QRFPR: variants seen among roughly 807,000 people sequenced by gnomAD.
QRFPR encodes pyroglutamylated RF-amide peptide receptor.
QRFPR carries 37 observed loss-of-function variants against 31.3 expected under a neutral mutation model. That is an observed-to-expected ratio of 1.18 (90% CI 0.91 to 1.56). The LOEUF (loss-of-function observed/expected upper bound fraction) is 1.56, where lower values mean the gene tolerates loss of function less well. QRFPR is among the 40% of genes most tolerant of loss of function. The probability of loss-of-function intolerance (pLI) is 0.00; values close to 1 mark genes in which losing one functional copy is unlikely to be tolerated. For synonymous variants in QRFPR, 197 were observed against 192.0 expected, an observed-to-expected ratio of 1.03 and a Z score of -0.22; for missense variants, 542 against 532.5, an observed-to-expected ratio of 1.02 and a Z score of -0.18.
At chr4:121,366,293 C>T (rs1726133634) in intron 1 of QRFPR, among the ~76,000 whole-genome samples, 1 of 149,750 alleles carries the variant, frequency 6.7e-6, no homozygotes, top group African/African-American at 2.5e-5. Context: ...TTTTTAAAGG[C>T]TACAAATTCC....
chr4:121,360,065 G>T (rs540335331), intron 1 of QRFPR, among the ~76,000 whole-genome samples: 13 of 152,158 alleles, frequency 8.5e-5, no homozygotes, highest in African/African-American at 2.4e-4. Context: ...ACATAACACA[G>T]TCCAAAATTA....
At chr4:121,337,003 A>G (rs1285569246) in intron 2 of QRFPR, 135 bp from the exon 3 acceptor site, 7 of 767,094 alleles carry the variant, frequency 9.1e-6, no homozygotes, top group Admixed American at 2.0e-5. Context: ...GTCTCCCCCA[A>G]GTTTCATGCT....
intron 1 of QRFPR, among the ~76,000 whole-genome samples, chr4:121,371,794 AG>A (rs1209186156): frequency 2.6e-5 from 4 of 152,206 alleles, no homozygotes; most frequent in Admixed American, 1.3e-4. Context: ...AGCCTTTCCA[AG>A]GGGCTTAGTG....
chr4:121,369,440 GT>G (rs1726191167), intron 1 of QRFPR: 2 of 883,480 alleles, frequency 2.3e-6, no homozygotes. Context: ...CTAGAAGCCA[GT>G]GGGTGTGAGC....
At chr4:121,336,657 A>C (rs554056320) in intron 3 of QRFPR, 150 bp downstream of exon 3, 4 of 713,870 alleles carry the variant, frequency 5.6e-6, no homozygotes, top group Non-Finnish European at 1.0e-5. Flanking sequence ...ACCTTAAAAA[A>C]TCATTTTATT....
chr4:121,352,044 T>C (rs1725770628), intron 1 of QRFPR, among the ~76,000 whole-genome samples: 1 of 152,078 alleles, frequency 6.6e-6, no homozygotes. Flanking sequence ...TGGGAAAAAC[T>C]TAAATACACT....
intron 1 of QRFPR, among the ~76,000 whole-genome samples, chr4:121,344,015 G>A (rs1001426966): frequency 6.6e-6 from 1 of 152,186 alleles, no homozygotes; most frequent in Non-Finnish European, 1.5e-5. Flanking sequence ...ATTTCATAAA[G>A]TGACATAAAC....
chr4:121,370,147 G>T (rs1726206739), intron 1 of QRFPR: 1 of 766,458 alleles, frequency 1.3e-6, no homozygotes, highest in African/African-American at 1.7e-5. Context: ...ACCTTGGTGA[G>T]GTGCTGATAC....
chr4:121,363,513 G>T lies in QRFPR; in HGVS notation c.340+16795C>A, dbSNP rs767488495. 5.3e-5 allele frequency among the ~76,000 whole-genome samples: 8 copies of T among 149,772 alleles called. 1 individual carries two copies. The highest frequency in any genetic ancestry group is 2.0e-4 in the Admixed American group (3 of 15,054). On this transcript the variant is annotated intron_variant, in intron 1 of 5. Coordinates refer to ENST00000394427, the MANE Select transcript of QRFPR (RefSeq NM_198179.3). ...ATTCTAATTATTTTAGGTTCCCCCAGCCCTTTTCCAATTGAACCATACTGG... is the reference window on the plus strand; with the variant it reads ...ATTCTAATTATTTTAGGTTCCCCCATCCCTTTTCCAATTGAACCATACTGG...
intron 1 of QRFPR, among the ~76,000 whole-genome samples, chr4:121,377,355 C>G (rs1267252138): frequency 6.6e-6 from 1 of 151,996 alleles, no homozygotes; most frequent in Non-Finnish European, 1.5e-5. Context: ...TACCTCACCC[C>G]TGAAGGAATT....
rs1466899252 is a variant in QRFPR at position 121,380,354 on chromosome 4, G to A, written c.294C>T (p.Cys98=). 1.9e-6 allele frequency: 3 copies of A among 1,614,174 alleles called. No individual in the cohort carries two copies. Among genetic ancestry groups the A allele is most frequent in the South Asian group, 1.1e-5 (1 of 91,082 alleles). The change falls in exon 1 of 6, where the codon TGC becomes TGT. Residue 98 remains cysteine (C), a synonymous_variant. Coordinates refer to ENST00000394427, the MANE Select transcript of QRFPR (RefSeq NM_198179.3). ...ALSDLLITFF[C]IPVTMLQNIS... is the part of the protein sequence containing the mutation. ...TGTTCTGGAGCATGGTGACGGGAAT[G>A]CAGAAGAAGGTGATGAGCAGGTCAC... is the stretch of plus-strand genomic sequence containing the variant.
Position 121,364,065 on chromosome 4 carries a change from G to T in QRFPR, c.340+16243C>A, listed in dbSNP as rs1579585673. Among the ~76,000 whole-genome samples the T allele has an allele frequency of 1.3e-5, 2 of 150,006 alleles. 1 individual carries two copies. Among genetic ancestry groups the T allele is most frequent in the East Asian group, 4.0e-4 (2 of 5,002 alleles). On this transcript the variant is annotated intron_variant, in intron 1 of 5. Transcript: ENST00000394427. ...TAATCAAGTCAAGGAACATTCAGCT[G>T]GGGTCAGACTGGGAACTTGCCACAA...
At chr4:121,338,162 GCTCTTT>G (rs1009010773) in intron 2 of QRFPR, among the ~76,000 whole-genome samples, 6 of 152,056 alleles carry the variant, frequency 3.9e-5, no homozygotes, top group South Asian at 2.1e-4. Context: ...TTTCTCACTC[GCTCTTT>G]CTCTTTCTCT....
chr4:121,372,964 C>T (rs928334615), intron 1 of QRFPR, among the ~76,000 whole-genome samples: 7 of 152,056 alleles, frequency 4.6e-5, no homozygotes, highest in East Asian at 1.9e-4. Context: ...AGCTGGCCGC[C>T]GAGGGGGAGG....
chr4:121,355,721 A>G (rs11935897), intron 1 of QRFPR, among the ~76,000 whole-genome samples: 49,667 of 151,618 alleles, frequency 0.33, 8,618 homozygotes, highest in Non-Finnish European at 0.39. Flanking sequence ...CCTTAACACT[A>G]CTTTTGATAT....
In QRFPR at chr4:121,380,367, A is replaced by T. The variant is rs772383058; in HGVS notation, c.281T>A (p.Ile94Asn). The T allele has an allele frequency of 1.4e-5, 22 of 1,614,086 alleles. No homozygotes were observed. The South Asian group carries it at 2.1e-4, about 15-fold the overall frequency. The change falls in exon 1 of 6, where the codon ATC (isoleucine) becomes AAC (asparagine). Residue 94 changes from isoleucine to asparagine, a missense_variant. Ile to Asn is a moderately radical substitution (Grantham distance 149). Transcript: ENST00000394427. The stretch of plus-strand genomic sequence containing the variant: ...GGTGACGGGAATGCAGAAGAAGGTG[A>T]TGAGCAGGTCACTGAGCGCCAAGGA... ...ICSLALSDLL[I>N]TFFCIPVTML...
chr4:121,333,898 C>T (rs1442483797), intron 3 of QRFPR, among the ~76,000 whole-genome samples: 2 of 152,164 alleles, frequency 1.3e-5, no homozygotes, highest in Non-Finnish European at 2.9e-5. Context: ...AGACATATTT[C>T]TGCCTACATT....
At chr4:121,358,201 C>T (rs1009259172) in intron 1 of QRFPR, among the ~76,000 whole-genome samples, 2 of 152,052 alleles carry the variant, frequency 1.3e-5, no homozygotes, top group African/African-American at 4.8e-5. Context: ...GCAGGTAATA[C>T]CTAGAATGTT....
intron 1 of QRFPR, among the ~76,000 whole-genome samples, chr4:121,352,163 A>G (rs1451643008): frequency 6.6e-6 from 1 of 152,106 alleles, no homozygotes; most frequent in Non-Finnish European, 1.5e-5. Context: ...AATGTTTTGG[A>G]TTATGAGTTA....
Sources: allele counts gnomAD v4.1 joint callset (sites outside exome capture counted in the v4.1 genomes callset), GRCh38; gene constraint gnomAD v4.1.1; transcripts MANE v1.5; gene names NCBI Gene and HGNC (gene_info 2026-07-23, HGNC 2026-07-21).